Variants in PNPLA7 observed in about 807,000 individuals in gnomAD.
PNPLA7 encodes the protein patatin-like phospholipase domain-containing protein 7.
A neutral mutation model predicts 161.7 loss-of-function variants in PNPLA7; 153 were observed. The observed-to-expected ratio is 0.95, with a 90% CI of 0.83 to 1.08. The LOEUF (loss-of-function observed/expected upper bound fraction) is 1.08. Among genes scored for constraint, PNPLA7 ranks in the 50% least tolerant of loss-of-function variants. The pLI is 0.00. For missense variants in PNPLA7, 1,739 were observed against 1,856.6 expected (o/e 0.94, Z 1.16); for synonymous variants, 809 against 782.1 (o/e 1.03, Z -0.57).
rs750807912 is a variant in PNPLA7 at position 137,462,683 on chromosome 9, A to T, written c.3492+2T>A. 3.1e-6 allele frequency: 5 copies of T among 1,613,574 alleles called. No individual in the cohort carries two copies. Among genetic ancestry groups the T allele is most frequent in the Non-Finnish European group, 4.2e-6 (5 of 1,179,884 alleles). Reference sequence around the variant, plus strand: ...AGCCCAGCCTGCCCGGTAGCACCCCACCTTGACTTTCGTGGCCAAGGGGTT... The same window carrying T: ...AGCCCAGCCTGCCCGGTAGCACCCCTCCTTGACTTTCGTGGCCAAGGGGTT... On this transcript the variant is annotated splice_donor_variant, in intron 30 of 34. Coordinates refer to ENST00000406427, the MANE Select transcript of PNPLA7 (RefSeq NM_001098537.3). LOFTEE classifies it high-confidence loss of function.
intron 12 of PNPLA7, among the ~76,000 whole-genome samples, chr9:137,513,924 T>C (rs1478457010): frequency 3.9e-5 from 6 of 152,356 alleles, no homozygotes; most frequent in Non-Finnish European, 7.3e-5. Context: ...CAGGAGCCAA[T>C]GAGCTTGCCG....
chr9:137,479,455 G>T (rs1013335544), intron 23 of PNPLA7: 3 of 1,244,624 alleles, frequency 2.4e-6, no homozygotes, highest in East Asian at 6.3e-5. Context: ...AGGTCAGTAC[G>T]GCAGGAGGGG....
intron 22 of PNPLA7, 172 bp from the exon 23 acceptor site, chr9:137,480,652 G>T: frequency 1.3e-6 from 1 of 796,880 alleles, no homozygotes; most frequent in South Asian, 1.9e-5. Context: ...GGCCTAGGCA[G>T]TCACGCAGAG....
intron 21 of PNPLA7, among the ~76,000 whole-genome samples, chr9:137,483,121 C>T (rs1022470700): frequency 1.4e-4 from 22 of 152,246 alleles, no homozygotes; most frequent in African/African-American, 3.4e-4. Context: ...ATCCTCCCAC[C>T]TCAGCCTCCC....
chr9:137,512,390 A>C (rs952466105), intron 12 of PNPLA7, among the ~76,000 whole-genome samples: 1 of 152,228 alleles, frequency 6.6e-6, no homozygotes, highest in Non-Finnish European at 1.5e-5. Flanking sequence ...ACACGGCTCC[A>C]CTTCTGAAAA....
intron 25 of PNPLA7, among the ~76,000 whole-genome samples, chr9:137,475,168 G>A (rs2132117380): frequency 6.6e-6 from 1 of 152,128 alleles, no homozygotes; most frequent in African/African-American, 2.4e-5. Context: ...GTCAGTGGAT[G>A]CAAAAAGAGC....
chr9:137,542,205 A>G (rs1836240319), intron 7 of PNPLA7, among the ~76,000 whole-genome samples: 3 of 152,214 alleles, frequency 2.0e-5, no homozygotes, highest in South Asian at 2.1e-4. Context: ...CCAGTGCCTC[A>G]TGCCTGTAAT....
intron 8 of PNPLA7, among the ~76,000 whole-genome samples, chr9:137,531,081 T>G (rs1835558498): frequency 6.6e-6 from 1 of 152,158 alleles, no homozygotes; most frequent in Admixed American, 6.6e-5. Flanking sequence ...AACCTTTATG[T>G]AGAGCAAGTT....
chr9:137,485,165 A>G (rs919952978), intron 20 of PNPLA7, among the ~76,000 whole-genome samples: 6 of 152,246 alleles, frequency 3.9e-5, no homozygotes, highest in African/African-American at 1.4e-4. Flanking sequence ...GGCCCCACAC[A>G]GCAGGTCTGA....
At chr9:137,494,376 T>C (rs1204758522) in intron 19 of PNPLA7, among the ~76,000 whole-genome samples, 1 of 152,070 alleles carries the variant, frequency 6.6e-6, no homozygotes, top group Non-Finnish European at 1.5e-5. Flanking sequence ...GGAAGCAGCC[T>C]GGGCGCCTCT....
Position 137,467,260 on chromosome 9 carries a change from A to G in PNPLA7, c.3039+57T>C, listed in dbSNP as rs1365291390. 5.2e-6 allele frequency: 8 copies of G among 1,546,528 alleles called. No homozygotes were observed. Among genetic ancestry groups the G allele is most frequent in the South Asian group, 2.4e-5 (2 of 83,284 alleles). On this transcript the variant is annotated intron_variant, in intron 26 of 34. Transcript: ENST00000406427. This position sits in a 1 kb window ranked among gnomAD's most constrained non-coding sequence, Gnocchi z 5.1. The stretch of plus-strand genomic sequence containing the variant: ...GAGGCCAACGGCCCCAGCGTCCCCC[A>G]GCACCAGCAAGGACCTGGGGGCTGT...
chr9:137,499,536 TGG>T lies in PNPLA7; in HGVS notation c.1757+1153_1757+1154del, dbSNP rs1002429001. On this transcript the variant is annotated intron_variant, in intron 16 of 34. Transcript: ENST00000406427. The surrounding 1 kb of genome is among the most constrained non-coding windows in gnomAD (Gnocchi z 5.5). ...TCCAGCTCCACCCAGGGTCCCCTGC[TGG>T]TGGAGGGACCGGGACTTGGAGCCTC... is the stretch of plus-strand genomic sequence containing the variant. 2.6e-5 allele frequency among the ~76,000 whole-genome samples: 4 copies of T among 152,188 alleles called. No individual in the cohort carries two copies. The highest frequency in any genetic ancestry group is 9.7e-5 in the African/African-American group (4 of 41,446).
In PNPLA7 at chr9:137,484,753, C is replaced by T; in HGVS notation, c.2198-17G>A. ...GCTGGTGGCCTGTGGAGCAAAGGAC[C>T]CACGTCAGCTGGGACAGCCCACACG... On this transcript the variant is annotated splice_polypyrimidine_tract_variant and intron_variant, in intron 20 of 34. Coordinates refer to ENST00000406427, the MANE Select transcript of PNPLA7 (RefSeq NM_001098537.3). The T allele has an allele frequency of 6.3e-7, 1 of 1,594,614 alleles. No homozygotes were observed. The highest frequency in any genetic ancestry group is 8.6e-7 in the Non-Finnish European group (1 of 1,169,380).
At position 137,500,508 on chromosome 9, in the gene PNPLA7, G is replaced by A. The variant is rs770363266; in HGVS notation, c.1757+183C>T. On this transcript the variant is annotated intron_variant, in intron 16 of 34. Coordinates refer to ENST00000406427, the MANE Select transcript of PNPLA7 (RefSeq NM_001098537.3). This position sits in a 1 kb window ranked among gnomAD's most constrained non-coding sequence, Gnocchi z 5.5. Reference sequence around the variant, plus strand: ...CTGATCGCTGCGGGCAGGTGGGGTCGGCTGACTGAGCGCTGGAGCAGGGGG... The same window carrying A: ...CTGATCGCTGCGGGCAGGTGGGGTCAGCTGACTGAGCGCTGGAGCAGGGGG... Among the ~76,000 whole-genome samples the A allele has an allele frequency of 5.3e-5, 8 of 151,954 alleles. No homozygotes were observed. The highest frequency in any genetic ancestry group is 1.0e-4 in the Non-Finnish European group (7 of 67,966).
At chr9:137,504,095 GGAA>G (rs1225057049) in intron 14 of PNPLA7, among the ~76,000 whole-genome samples, 57 of 141,878 alleles carry the variant, frequency 4.0e-4, no homozygotes, top group East Asian at 4.2e-4. Flanking sequence ...GGAAGAAGAA[GGAA>G]GAAGAAGAAA....
At chr9:137,465,409 C>T (rs1445797063) in intron 26 of PNPLA7, among the ~76,000 whole-genome samples, 1 of 152,196 alleles carries the variant, frequency 6.6e-6, no homozygotes, top group Non-Finnish European at 1.5e-5. Flanking sequence ...CATTCCCACA[C>T]CTGGCCCCCC....
chr9:137,480,660 G>T, intron 22 of PNPLA7, 180 bp from the exon 23 acceptor site: 1 of 777,260 alleles, frequency 1.3e-6, no homozygotes, highest in Non-Finnish European at 2.0e-6. Flanking sequence ...CAGTCACGCA[G>T]AGGCTGCAGT....
rs2132639557 is a variant in PNPLA7 at position 137,543,593 on chromosome 9, A to G, written c.366-21T>C. On this transcript the variant is annotated intron_variant, in intron 5 of 34. Coordinates refer to ENST00000406427, the MANE Select transcript of PNPLA7 (RefSeq NM_001098537.3). This position sits in a 1 kb window ranked among gnomAD's most constrained non-coding sequence, Gnocchi z 6.9. ...GAATCCTACAAGGCAGAGACACACTAGCCTTGAGCAGACCAGGCGGGTTCG... is the reference window on the plus strand; with the variant it reads ...GAATCCTACAAGGCAGAGACACACTGGCCTTGAGCAGACCAGGCGGGTTCG... 1 of 1,607,426 alleles carries G rather than the reference A, an allele frequency of 6.2e-7. No individual in the cohort carries two copies. Among genetic ancestry groups the G allele is most frequent in the South Asian group, 1.1e-5 (1 of 90,004 alleles).
chr9:137,491,512 C>A (rs150851175), intron 20 of PNPLA7: 5 of 983,130 alleles, frequency 5.1e-6, no homozygotes, highest in Non-Finnish European at 6.0e-6. Context: ...CATTACGTTA[C>A]GTGTTAGACA....
Sources: gnomAD v4.1 joint callset for allele counts (sites outside exome capture counted in the v4.1 genomes callset) on GRCh38, gnomAD v4.1.1 for gene constraint, Gnocchi (gnomAD v3.1) non-coding constraint, MANE v1.5 for transcripts, NCBI Gene and HGNC (gene_info 2026-07-23, HGNC 2026-07-21) for gene names.